The following FBN2 variants were observed in gnomAD, a reference collection of about 807,000 sequenced individuals.
The protein encoded by FBN2 is fibrillin-2.
In FBN2, 105 loss-of-function variants were observed where a neutral mutation model predicts 355.6. The ratio of observed to expected loss-of-function variants is 0.30; its 90% confidence interval spans 0.25 to 0.35. The LOEUF is 0.35. Among genes scored for constraint, FBN2 ranks in the 10% least tolerant of loss-of-function variants. The probability of loss-of-function intolerance (pLI) is 1.00; values close to 1 mark genes in which losing one functional copy is unlikely to be tolerated. For synonymous variants in FBN2, 1,350 were observed against 1,301.2 expected, an observed-to-expected ratio of 1.04 and a Z score of -0.81; for missense variants, 3,280 against 3,758.7, an observed-to-expected ratio of 0.87 and a Z score of 3.33.
At position 128,377,742 on chromosome 5, in the gene FBN2, A is replaced by C. The variant is rs1242133322; in HGVS notation, c.1849+10T>G. 6.2e-7 allele frequency: 1 copy of C among 1,613,196 alleles called. No homozygotes were observed. On this transcript the variant is annotated intron_variant, in intron 13 of 64. Transcript: ENST00000262464. ...AAAATCTTTTGCAAGGGAGCAGGCA[A>C]TTTCCATACCAACACAGTTTTTTCC...
At chr5:128,268,993 T>C (rs1765190858) in intron 62 of FBN2, among the ~76,000 whole-genome samples, 1 of 152,192 alleles carries the variant, frequency 6.6e-6, no homozygotes, top group African/African-American at 2.4e-5. Context: ...TTATCACTCC[T>C]ATTCAACATA....
chr5:128,407,591 G>A (rs1026499195), intron 8 of FBN2, among the ~76,000 whole-genome samples: 1 of 152,150 alleles, frequency 6.6e-6, no homozygotes. Context: ...ACTGCTATTA[G>A]TAGGCTTCTA....
chr5:128,286,956 G>T, intron 54 of FBN2, 107 bp from the exon 55 acceptor site: 1 of 1,134,478 alleles, frequency 8.8e-7, no homozygotes, highest in East Asian at 2.6e-5. Context: ...TTTATGGTGG[G>T]ACAGAGAAAG....
chr5:128,291,710 T>G, intron 48 of FBN2, 56 bp from the exon 49 acceptor site: 1 of 1,510,894 alleles, frequency 6.6e-7, no homozygotes, highest in Non-Finnish European at 9.2e-7. Context: ...TAAACAATTG[T>G]CCATACTATC....
chr5:128,492,934 C>T (rs1386761498), intron 5 of FBN2, among the ~76,000 whole-genome samples: 2 of 150,810 alleles, frequency 1.3e-5, no homozygotes, highest in East Asian at 3.9e-4. Context: ...AAAATCAATG[C>T]TCAGTGCAAA....
rs1474515927 is a variant in FBN2, at chr5:128,258,014, T to C, written c.*1441A>G. On this transcript the variant is annotated 3_prime_UTR_variant, in exon 65 of 65. Coordinates refer to ENST00000262464, the MANE Select transcript of FBN2 (RefSeq NM_001999.4). ...TAAGTTTTTCCTCACAAACTCTTGA[T>C]TACAAATTTACACTGTTCCTTTTTT... 6.6e-6 allele frequency: 1 copy of C among 152,214 alleles called. No homozygotes were observed. Among genetic ancestry groups the C allele is most frequent in the Non-Finnish European group, 1.5e-5 (1 of 68,024 alleles). 9.4% of individuals were successfully genotyped at this position (152,214 alleles called of 1,614,324 possible). A position where few individuals can be genotyped will look rare whatever the true frequency, so the allele number is the denominator to read the frequency against.
At chr5:128,407,544 A>T (rs1017344261) in intron 8 of FBN2, among the ~76,000 whole-genome samples, 3 of 152,158 alleles carry the variant, frequency 2.0e-5, no homozygotes, top group Admixed American at 6.5e-5. Context: ...CTTAAATGAC[A>T]GCTATTATTT....
intron 6 of FBN2, among the ~76,000 whole-genome samples, chr5:128,455,910 C>T (rs935540207): frequency 3.5e-5 from 5 of 142,080 alleles, no homozygotes; most frequent in Admixed American, 2.2e-4. Flanking sequence ...TATGGAGCCC[C>T]CCGGGGGTTG....
intron 6 of FBN2, among the ~76,000 whole-genome samples, chr5:128,447,124 C>T (rs1225657692): frequency 6.6e-6 from 1 of 152,070 alleles, no homozygotes; most frequent in East Asian, 1.9e-4. Context: ...TGTAGGTCGC[C>T]TCAGGACCCT....
chr5:128,275,500 A>G (rs1384764194), intron 59 of FBN2, among the ~76,000 whole-genome samples: 1 of 151,532 alleles, frequency 6.6e-6, no homozygotes, highest in Admixed American at 6.6e-5. Context: ...AGAATAATCT[A>G]CATTTTAAAA....
chr5:128,406,764 T>A (rs189370354), intron 8 of FBN2, among the ~76,000 whole-genome samples: 158 of 152,298 alleles, frequency 1.0e-3, no homozygotes, highest in South Asian at 1.5e-3. Flanking sequence ...ATTGTTTATT[T>A]CTGGAATGTT....
At chr5:128,402,567 A>C (rs949027295) in intron 8 of FBN2, among the ~76,000 whole-genome samples, 1 of 152,246 alleles carries the variant, frequency 6.6e-6, no homozygotes, top group African/African-American at 2.4e-5. Context: ...GGTTAATTAT[A>C]CAATGTGATG....
At chr5:128,271,459 G>A (rs1765264840) in intron 62 of FBN2, among the ~76,000 whole-genome samples, 1 of 152,206 alleles carries the variant, frequency 6.6e-6, no homozygotes, top group Non-Finnish European at 1.5e-5. Context: ...ACAGAGCTGA[G>A]AGCCACGTAT....
intron 11 of FBN2, among the ~76,000 whole-genome samples, chr5:128,381,742 A>G (rs953770240): frequency 6.6e-6 from 1 of 152,130 alleles, no homozygotes; most frequent in Non-Finnish European, 1.5e-5. Flanking sequence ...TATCACTTAA[A>G]GAAGCACCAG....
At chr5:128,271,969 G>T (rs1765277736) in intron 62 of FBN2, 30 bp downstream of exon 62, 1 of 1,613,020 alleles carries the variant, frequency 6.2e-7, no homozygotes, top group Non-Finnish European at 8.5e-7. Flanking sequence ...GGTGAGAAAA[G>T]CAAGTGCGAT....
chr5:128,477,296 G>T (rs1755028726), intron 5 of FBN2, among the ~76,000 whole-genome samples: 2 of 152,140 alleles, frequency 1.3e-5, no homozygotes, highest in Admixed American at 1.3e-4. Context: ...ATGCATATTG[G>T]AGTAGTTGTC....
intron 36 of FBN2, among the ~76,000 whole-genome samples, chr5:128,315,222 AAAC>A (rs1750170450): frequency 6.6e-6 from 1 of 152,206 alleles, no homozygotes; most frequent in East Asian, 1.9e-4. Context: ...AAAAAGTTGA[AAAC>A]AACTTTATTA....
At chr5:128,452,254 T>A (rs1320108141) in intron 6 of FBN2, among the ~76,000 whole-genome samples, 8 of 152,198 alleles carry the variant, frequency 5.3e-5, no homozygotes, top group Non-Finnish European at 5.9e-5. Context: ...ACAGATGTTA[T>A]CTTTGCTCAT....
chr5:128,389,687 C>A (rs1200229753), intron 11 of FBN2, among the ~76,000 whole-genome samples: 1 of 152,208 alleles, frequency 6.6e-6, no homozygotes, highest in Admixed American at 6.5e-5. Flanking sequence ...AAGCAGCTCT[C>A]CCATGTCTCA....
Sources: gnomAD v4.1 joint callset for allele counts (sites outside exome capture counted in the v4.1 genomes callset) on GRCh38, gnomAD v4.1.1 for gene constraint, MANE v1.5 for transcripts, NCBI Gene and HGNC (gene_info 2026-07-23, HGNC 2026-07-21) for gene names.